NRK: variants seen among roughly 807,000 people sequenced by gnomAD.
NRK encodes the protein Nik related kinase, also known as nik-related protein kinase.
Under a neutral mutation model 125.2 loss-of-function variants are expected in NRK, and 67 were observed. The observed-to-expected ratio is 0.54, with a 90% CI of 0.44 to 0.66. The LOEUF (loss-of-function observed/expected upper bound fraction) is 0.66, where lower values mean the gene tolerates loss of function less well. Ranked by LOEUF, NRK falls within the 30% of genes least tolerant of loss-of-function variation. The probability of loss-of-function intolerance (pLI) is 0.00; values close to 1 mark genes in which losing one functional copy is unlikely to be tolerated. For synonymous variants in NRK, 458 were observed against 429.0 expected (o/e 1.07, Z -0.84); for missense variants, 1,224 against 1,192.9 (o/e 1.03, Z -0.38).
At chrX:105,912,096 G>C (rs928443727) in intron 13 of NRK, among the ~76,000 whole-genome samples, 1 of 110,980 alleles carries the variant, frequency 9.0e-6, no homozygotes, top group African/African-American at 3.3e-5. Flanking sequence ...TCACCAGCAG[G>C]AAACAAAAAA....
At chrX:105,863,517 A>C (rs898666314) in intron 2 of NRK, among the ~76,000 whole-genome samples, 1 of 111,630 alleles carries the variant, frequency 9.0e-6, no homozygotes, top group Admixed American at 9.5e-5. Flanking sequence ...AGCAGCCATA[A>C]ATTTCTGAAT....
chrX:105,836,597 A>T (rs144440768), intron 2 of NRK, among the ~76,000 whole-genome samples: 3,045 of 112,102 alleles, frequency 0.027, 45 homozygotes, highest in Middle Eastern at 0.046. Context: ...ACACTTAAAA[A>T]TGTTTATCCT....
intron 1 of NRK, among the ~76,000 whole-genome samples, chrX:105,830,390 T>TTA (rs1406538101): frequency 9.5e-6 from 1 of 104,746 alleles, no homozygotes; most frequent in Non-Finnish European, 2.0e-5. Flanking sequence ...ATAAATGAAC[T>TTA]TATTTCTATT....
In NRK at chrX:105,957,910, T is replaced by C. The variant is rs2040997875; in HGVS notation, c.*2310T>C. The C allele has an allele frequency of 8.9e-6, 1 of 112,104 alleles. No homozygotes were observed. 9.2% of individuals were successfully genotyped at this position (112,104 alleles called of 1,213,427 possible). On this transcript the variant is annotated 3_prime_UTR_variant, in exon 29 of 29. Transcript: ENST00000243300. ...CAATGATATTTCATGGTCAGTTTAT[T>C]TTGTAAGAGACAGAAGAAATTATAT...
At chrX:105,947,938 G>T (rs2040838912) in intron 26 of NRK, among the ~76,000 whole-genome samples, 1 of 111,907 alleles carries the variant, frequency 8.9e-6, no homozygotes, top group Non-Finnish European at 1.9e-5. Context: ...TGATTATATA[G>T]AAATCACACT....
chrX:105,924,237 CAT>C (rs2040493063), intron 18 of NRK, among the ~76,000 whole-genome samples: 1 of 110,011 alleles, frequency 9.1e-6, no homozygotes, highest in Non-Finnish European at 1.9e-5. Flanking sequence ...AGTCAGTACA[CAT>C]GTTAGAAAAT....
Position 105,945,888 on chromosome X carries a change from C to G in NRK, c.4076C>G (p.Ser1359Ter). The part of the protein sequence containing the change: ...STAIKVCIDQ[S>*]ADSEGDYMSY... ...CCCTACCAAGTATGCATTGATCAAT[C>G]AGCAGACTCTGAAGGAGACTACATG... The change falls in exon 25 of 29, where the codon TCA (serine) becomes TGA (stop). Residue 1359 changes from serine (S) to a stop codon, truncating the protein, a stop_gained. Coordinates refer to ENST00000243300, the MANE Select transcript of NRK (RefSeq NM_198465.4). LOFTEE classifies it high-confidence loss of function. 1 of 1,207,691 alleles carries G rather than the reference C, an allele frequency of 8.3e-7. No individual in the cohort carries two copies. Among genetic ancestry groups the G allele is most frequent in the Non-Finnish European group, 1.1e-6 (1 of 892,238 alleles).
chrX:105,853,221 T>C (rs1403272096), intron 2 of NRK, among the ~76,000 whole-genome samples: 3 of 111,994 alleles, frequency 2.7e-5, no homozygotes, highest in Non-Finnish European at 5.6e-5. Context: ...TGCAAATTCT[T>C]GGGAGCCACT....
intron 19 of NRK, 69 bp downstream of exon 19, chrX:105,925,100 GCATTTCTAGC>G: frequency 1.3e-6 from 1 of 795,953 alleles, no homozygotes; most frequent in Non-Finnish European, 1.8e-6. Context: ...GGGACATGTA[GCATTTCTAGC>G]CATTCCAAAT....
intron 9 of NRK, among the ~76,000 whole-genome samples, chrX:105,902,531 C>A (rs1174702460): frequency 8.9e-6 from 1 of 112,299 alleles, no homozygotes; most frequent in African/African-American, 3.2e-5. Context: ...TAACAAAATT[C>A]TCTTCCTTTG....
intron 2 of NRK, among the ~76,000 whole-genome samples, chrX:105,854,171 G>A (rs1028406427): frequency 8.9e-6 from 1 of 112,026 alleles, no homozygotes; most frequent in East Asian, 2.8e-4. Flanking sequence ...AGTTAAGGAT[G>A]GTGATGTAGA....
chrX:105,943,898 G>T (rs759196667), intron 23 of NRK, 43 bp from the exon 24 acceptor site: 7 of 656,389 alleles, frequency 1.1e-5, no homozygotes, highest in Non-Finnish European at 1.6e-5. Flanking sequence ...GAGTGTTCTT[G>T]TTAACTGTGG....
Position 105,957,233 on chromosome X carries a change from C to G in NRK, c.*1633C>G, listed in dbSNP as rs2040988351. On this transcript the variant is annotated 3_prime_UTR_variant, in exon 29 of 29. Coordinates refer to ENST00000243300, the MANE Select transcript of NRK (RefSeq NM_198465.4). The stretch of plus-strand genomic sequence containing the variant: ...TAATGTGATCCTAAAACTGGCTTAT[C>G]CTTGAGTGTTTACAACTCAAACAAC... 2 of 110,983 alleles carry G rather than the reference C, an allele frequency of 1.8e-5. No individual in the cohort carries two copies. The highest frequency in any genetic ancestry group is 9.6e-5 in the Admixed American group (1 of 10,408). The allele number at this position is 110,983 out of a possible 1,213,427, so 9.1% of individuals were successfully genotyped here.
At chrX:105,827,860 C>G (rs970142166) in intron 1 of NRK, among the ~76,000 whole-genome samples, 1 of 111,862 alleles carries the variant, frequency 8.9e-6, no homozygotes, top group African/African-American at 3.2e-5. Context: ...AAATAATCTC[C>G]AAATTGGTAT....
At chrX:105,938,681 A>G (rs1294384338) in intron 22 of NRK, among the ~76,000 whole-genome samples, 1 of 112,071 alleles carries the variant, frequency 8.9e-6, no homozygotes, top group African/African-American at 3.2e-5. Flanking sequence ...TACTGAGAAC[A>G]TCAGTATAAG....
At position 105,863,357 on chromosome X, in the gene NRK, C is replaced by CACACACACACACAT. The variant is rs372176349; in HGVS notation, c.124-16841_124-16840insCACACACACACATA. Among the ~76,000 whole-genome samples, 759 of 106,501 alleles carry CACACACACACACAT rather than the reference C, an allele frequency of 7.1e-3. 18 individuals carry two copies. The highest frequency in any genetic ancestry group is 0.025 in the African/African-American group (716 of 28,926). 92.5% of individuals were successfully genotyped at this position (106,501 alleles called of 115,157 possible). A position where few individuals can be genotyped will look rare whatever the true frequency, so the allele number is the denominator to read the frequency against. On this transcript the variant is annotated intron_variant, in intron 2 of 28. Transcript: ENST00000243300. ...ACACACACACACACACACACACACA[C>CACACACACACACAT]ATACTATTTTAAAGTCTCTGTGAAA...
At chrX:105,916,272 A>T (rs2040364377) in intron 15 of NRK, among the ~76,000 whole-genome samples, 1 of 111,311 alleles carries the variant, frequency 9.0e-6, no homozygotes, top group African/African-American at 3.2e-5. Context: ...AATATCATAT[A>T]TAATATTGAT....
chrX:105,827,224 T>G (rs1437386425), intron 1 of NRK, among the ~76,000 whole-genome samples: 3 of 111,427 alleles, frequency 2.7e-5, no homozygotes, highest in Non-Finnish European at 5.7e-5. Flanking sequence ...TCATGTTCTC[T>G]CTCCATAAAC....
chrX:105,887,412 T>C (rs1473276814), intron 4 of NRK, among the ~76,000 whole-genome samples: 1 of 111,872 alleles, frequency 8.9e-6, no homozygotes, highest in Non-Finnish European at 1.9e-5. Flanking sequence ...GTTATAATAA[T>C]AAAACAGAAA....
Sources: gnomAD v4.1 joint callset for allele counts (sites outside exome capture counted in the v4.1 genomes callset) on GRCh38, gnomAD v4.1.1 for gene constraint, MANE v1.5 for transcripts, NCBI Gene and HGNC (gene_info 2026-07-23, HGNC 2026-07-21) for gene names.